Variants in ZMAT4 observed in about 807,000 individuals in gnomAD.
ZMAT4 encodes zinc finger matrin-type protein 4.
In ZMAT4, 17 loss-of-function variants were observed where a neutral mutation model predicts 28.7. That is an observed-to-expected ratio of 0.59 (90% CI 0.41 to 0.89). The LOEUF is 0.89. Ranked by LOEUF, ZMAT4 falls within the 40% of genes least tolerant of loss-of-function variation. The pLI is 0.00. For missense variants in ZMAT4, 240 were observed against 283.8 expected (o/e 0.85, Z 1.11); for synonymous variants, 117 against 109.2 (o/e 1.07, Z -0.44).
chr8:40,891,012 A>T (rs1478299436), intron 1 of ZMAT4, among the ~76,000 whole-genome samples: 1 of 151,146 alleles, frequency 6.6e-6, no homozygotes, highest in Non-Finnish European at 1.5e-5. Context: ...ACACCTGACT[A>T]TATTCCAGTA....
chr8:40,586,993 T>A (rs1164011390), intron 5 of ZMAT4, among the ~76,000 whole-genome samples: 2 of 151,332 alleles, frequency 1.3e-5, no homozygotes, highest in East Asian at 3.9e-4. Context: ...AACCAGACAA[T>A]GCTGATTAGC....
intron 3 of ZMAT4, among the ~76,000 whole-genome samples, chr8:40,710,456 G>A (rs1810559379): frequency 6.6e-6 from 1 of 152,130 alleles, no homozygotes; most frequent in Non-Finnish European, 1.5e-5. Flanking sequence ...GGAAGTGTTA[G>A]TATAAACCCT....
At chr8:40,860,303 T>C (rs1039222665) in intron 1 of ZMAT4, among the ~76,000 whole-genome samples, 3 of 151,908 alleles carry the variant, frequency 2.0e-5, no homozygotes, top group Non-Finnish European at 4.4e-5. Flanking sequence ...TGAGCAGAGG[T>C]CAGGCTGGAC....
chr8:40,679,261 T>C (rs1217504937), intron 4 of ZMAT4, among the ~76,000 whole-genome samples: 1 of 152,206 alleles, frequency 6.6e-6, no homozygotes, highest in East Asian at 1.9e-4. Context: ...AAATAATATG[T>C]ATATTCATCT....
At chr8:40,625,349 G>A (rs1806334360) in intron 5 of ZMAT4, among the ~76,000 whole-genome samples, 1 of 152,104 alleles carries the variant, frequency 6.6e-6, no homozygotes, top group Admixed American at 6.5e-5. Context: ...GGAGATATTT[G>A]AGTAGAGGCA....
intron 6 of ZMAT4, among the ~76,000 whole-genome samples, chr8:40,568,619 T>C (rs1018302788): frequency 1.3e-5 from 2 of 152,188 alleles, no homozygotes; most frequent in African/African-American, 4.8e-5. Context: ...ATTATTATTA[T>C]TGTTGTTGCT....
At chr8:40,875,969 C>T (rs888563318) in intron 1 of ZMAT4, among the ~76,000 whole-genome samples, 1 of 152,108 alleles carries the variant, frequency 6.6e-6, no homozygotes. Context: ...ACCCACTAGA[C>T]CAAGGGTGGC....
chr8:40,678,865 A>G (rs1461252081), intron 4 of ZMAT4, among the ~76,000 whole-genome samples: 1 of 152,228 alleles, frequency 6.6e-6, no homozygotes, highest in African/African-American at 2.4e-5. Context: ...CATTTGGTAT[A>G]AACATACATA....
intron 3 of ZMAT4, among the ~76,000 whole-genome samples, chr8:40,723,514 G>C (rs921948609): frequency 8.5e-6 from 1 of 117,346 alleles, no homozygotes; most frequent in Non-Finnish European, 1.6e-5. Context: ...CTGCACTCCA[G>C]CCTGGGTGAC....
chr8:40,744,811 A>G (rs1176194761), intron 3 of ZMAT4, among the ~76,000 whole-genome samples: 1 of 152,218 alleles, frequency 6.6e-6, no homozygotes, highest in African/African-American at 2.4e-5. Flanking sequence ...AATGTCAAAC[A>G]AAAATAACAA....
chr8:40,689,124 G>T (rs1809548693), intron 4 of ZMAT4, among the ~76,000 whole-genome samples: 2 of 152,240 alleles, frequency 1.3e-5, no homozygotes, highest in African/African-American at 4.8e-5. Flanking sequence ...CTTTTCCATG[G>T]TCTAGGTTGA....
chr8:40,660,798 G>A (rs1808155370), intron 5 of ZMAT4, among the ~76,000 whole-genome samples: 1 of 152,164 alleles, frequency 6.6e-6, no homozygotes, highest in Admixed American at 6.5e-5. Flanking sequence ...AAATTGTAGA[G>A]TACTGAATGA....
chr8:40,786,834 G>A, intron 2 of ZMAT4: 6 of 878,920 alleles, frequency 6.8e-6, no homozygotes, highest in Non-Finnish European at 9.6e-6. Context: ...AATTGGGATT[G>A]CATTTCACTG....
intron 1 of ZMAT4, among the ~76,000 whole-genome samples, chr8:40,873,338 A>G (rs1817928759): frequency 6.6e-6 from 1 of 152,206 alleles, no homozygotes; most frequent in East Asian, 1.9e-4. Context: ...AAAACATTAT[A>G]CAAAATGCAA....
intron 2 of ZMAT4, among the ~76,000 whole-genome samples, chr8:40,774,916 A>G (rs1177141807): frequency 6.6e-6 from 1 of 152,184 alleles, no homozygotes; most frequent in Non-Finnish European, 1.5e-5. Flanking sequence ...AGATGGAAAA[A>G]TCATCATTTT....
At chr8:40,684,307 C>T (rs940961498) in intron 4 of ZMAT4, among the ~76,000 whole-genome samples, 3 of 152,194 alleles carry the variant, frequency 2.0e-5, no homozygotes, top group Non-Finnish European at 4.4e-5. Flanking sequence ...CTGCTAGAAA[C>T]CATGACGTCC....
intron 1 of ZMAT4, among the ~76,000 whole-genome samples, chr8:40,833,704 C>T (rs1308824850): frequency 6.6e-6 from 1 of 152,136 alleles, no homozygotes; most frequent in Non-Finnish European, 1.5e-5. Flanking sequence ...TCACACACCA[C>T]CTGGGTCGAC....
chr8:40,740,816 T>C (rs1811968914), intron 3 of ZMAT4, among the ~76,000 whole-genome samples: 1 of 152,198 alleles, frequency 6.6e-6, no homozygotes. Context: ...AGGACTGAGA[T>C]GCTGCAGCAG....
At chr8:40,610,550 T>A (rs56926884) in intron 5 of ZMAT4, among the ~76,000 whole-genome samples, 2,431 of 152,278 alleles carry the variant, frequency 0.016, 65 homozygotes, top group African/African-American at 0.055. Context: ...GTGATTGTCA[T>A]GGAACCACTT....
Sources: gnomAD v4.1 joint callset for allele counts (sites outside exome capture counted in the v4.1 genomes callset) on GRCh38, gnomAD v4.1.1 for gene constraint, MANE v1.5 for transcripts, NCBI Gene and HGNC (gene_info 2026-07-23, HGNC 2026-07-21) for gene names.